Variants in ASB15 observed in about 807,000 individuals in gnomAD.
The protein encoded by ASB15 is ankyrin repeat and SOCS box containing 15.
A neutral mutation model predicts 58.0 loss-of-function variants in ASB15; 54 were observed. That is an observed-to-expected ratio of 0.93 (90% CI 0.75 to 1.17). The LOEUF is 1.17. ASB15 is among the 50% of genes most tolerant of loss of function. The pLI, the probability that ASB15 is intolerant of heterozygous loss-of-function variation, is 0.00. For synonymous variants in ASB15, 249 were observed against 262.4 expected, an observed-to-expected ratio of 0.95 and a Z score of 0.50; for missense variants, 680 against 707.4, an observed-to-expected ratio of 0.96 and a Z score of 0.44.
At chr7:123,590,717 C>A (rs1240679351) in intron 1 of ASB15, among the ~76,000 whole-genome samples, 1 of 151,942 alleles carries the variant, frequency 6.6e-6, no homozygotes, top group African/African-American at 2.4e-5. Flanking sequence ...TAGTATAGTT[C>A]GATGTCAGGT....
chr7:123,610,003 G>A (rs1317377376), intron 3 of ASB15, among the ~76,000 whole-genome samples: 2 of 152,170 alleles, frequency 1.3e-5, no homozygotes, highest in Admixed American at 1.3e-4. Flanking sequence ...GCAAGCTTAG[G>A]AACCTCAGAC....
intron 1 of ASB15, among the ~76,000 whole-genome samples, chr7:123,583,368 T>C (rs1024288802): frequency 6.6e-6 from 1 of 151,976 alleles, no homozygotes; most frequent in African/African-American, 2.4e-5. Context: ...AACGGGAAAC[T>C]GGAATTGATA....
intron 7 of ASB15, among the ~76,000 whole-genome samples, chr7:123,623,927 AAAGAAAAGAAAGAAAGAAAGAAAGAAAG>A (rs1276756534): frequency 4.9e-5 from 1 of 20,276 alleles, no homozygotes; most frequent in Non-Finnish European, 9.0e-5. Flanking sequence ...AGGAAGAAAG[AAAGAAAAGAAAGAAAGAAAGAAAGAAAG>A]AAAGAAAGAA....
chr7:123,621,071 T>C (rs912748166), intron 7 of ASB15, among the ~76,000 whole-genome samples: 4 of 152,208 alleles, frequency 2.6e-5, no homozygotes, highest in African/African-American at 9.7e-5. Flanking sequence ...GCCGTGATTA[T>C]CACTCCTTGT....
chr7:123,595,751 A>C (rs1170090100), intron 1 of ASB15, among the ~76,000 whole-genome samples: 1 of 152,144 alleles, frequency 6.6e-6, no homozygotes, highest in Non-Finnish European at 1.5e-5. Context: ...TGACTTTGTA[A>C]ATGCTCTTTA....
intron 1 of ASB15, among the ~76,000 whole-genome samples, chr7:123,579,668 T>A (rs1185605478): frequency 6.6e-6 from 1 of 152,096 alleles, no homozygotes. Context: ...TAACTCCTTC[T>A]GCTCCTGGGA....
At chr7:123,573,044 T>C (rs1007981934) in intron 1 of ASB15, among the ~76,000 whole-genome samples, 2 of 152,142 alleles carry the variant, frequency 1.3e-5, no homozygotes, top group Admixed American at 1.3e-4. Flanking sequence ...GATCAGTAAA[T>C]TTTTAGCTTC....
At position 123,627,247 on chromosome 7, in the gene ASB15, C is replaced by T. The variant is rs757314130; in HGVS notation, c.835C>T (p.Pro279Ser). 12 of 1,613,676 alleles carry T rather than the reference C, an allele frequency of 7.4e-6. No individual in the cohort carries two copies. Among genetic ancestry groups the T allele is most frequent in the Admixed American group, 3.3e-5 (2 of 59,984 alleles). The change falls in exon 9 of 12, where the codon CCT becomes TCT. Residue 279 changes from proline (P) to serine (S), a missense_variant. Physicochemically the swap from Pro to Ser is moderately conservative, Grantham distance 74. Transcript: ENST00000451215. ...GNVPNRAGHLPIHRAAYEGHY... is the reference protein window; with the variant it reads ...GNVPNRAGHLSIHRAAYEGHY... ...TGTACCTAACCGAGCAGGACATCTT[C>T]CTATACACCGAGCTGCCTATGAGGG...
intron 1 of ASB15, among the ~76,000 whole-genome samples, chr7:123,575,508 T>C (rs556989454): frequency 2.0e-5 from 3 of 152,226 alleles, no homozygotes; most frequent in South Asian, 4.1e-4. Context: ...TGTGAGGGCA[T>C]ATAACATCAA....
intron 1 of ASB15, among the ~76,000 whole-genome samples, chr7:123,568,385 T>C (rs1584714351): frequency 6.7e-6 from 1 of 150,258 alleles, no homozygotes; most frequent in Non-Finnish European, 1.5e-5. Context: ...CCGGGCATGG[T>C]GGCGCATGCT....
At chr7:123,570,199 T>A (rs1798871505) in intron 1 of ASB15, among the ~76,000 whole-genome samples, 1 of 151,854 alleles carries the variant, frequency 6.6e-6, no homozygotes, top group Non-Finnish European at 1.5e-5. Context: ...CATGCCCAGC[T>A]AATTTTTTTG....
intron 9 of ASB15, among the ~76,000 whole-genome samples, chr7:123,628,542 G>C (rs1352317756): frequency 1.3e-5 from 2 of 152,128 alleles, no homozygotes; most frequent in East Asian, 3.8e-4. Context: ...AATAGTATTG[G>C]TTGCCTGTAA....
chr7:123,619,001 C>T (rs1271900899), intron 7 of ASB15, among the ~76,000 whole-genome samples: 2 of 151,740 alleles, frequency 1.3e-5, no homozygotes, highest in Non-Finnish European at 2.9e-5. Flanking sequence ...TGGTGAAACC[C>T]CGTCTCTACT....
intron 1 of ASB15, among the ~76,000 whole-genome samples, chr7:123,585,152 T>C (rs1317959626): frequency 1.3e-5 from 2 of 151,914 alleles, no homozygotes; most frequent in African/African-American, 4.8e-5. Flanking sequence ...TATTCAGTTG[T>C]AAAATATAAT....
intron 7 of ASB15, among the ~76,000 whole-genome samples, chr7:123,619,670 C>G (rs1801104859): frequency 6.6e-6 from 1 of 152,082 alleles, no homozygotes; most frequent in Admixed American, 6.5e-5. Flanking sequence ...ACTACAGGCG[C>G]CCGCCACCAC....
At chr7:123,600,150 C>T (rs73718432), upstream of ASB15, among the ~76,000 whole-genome samples, 1,152 of 152,220 alleles carry the variant, frequency 7.6e-3, 19 homozygotes, top group African/African-American at 0.027. Flanking sequence ...TCATCACTCC[C>T]ATACTACAGA....
intron 1 of ASB15, among the ~76,000 whole-genome samples, chr7:123,578,896 A>G (rs1288758035): frequency 6.6e-6 from 1 of 152,096 alleles, no homozygotes; most frequent in African/African-American, 2.4e-5. Context: ...TGTAATTTAC[A>G]TGCAAGGTAT....
Position 123,629,108 on chromosome 7 carries a change from G to A in ASB15, c.1114G>A (p.Ala372Thr), listed in dbSNP as rs1207876585. Reference protein sequence around the residue: ...DVHCTEVLLAAGADPNLDPLN... With the variant: ...DVHCTEVLLATGADPNLDPLN... The stretch of plus-strand genomic sequence containing the variant: ...TCATTGCACAGAAGTCCTTCTGGCT[G>A]CAGGTGCAGACCCAAACTTAGATCC... The change falls in exon 10 of 12, where the codon GCA becomes ACA. Residue 372 changes from alanine to threonine, a missense_variant. Coordinates refer to ENST00000451215, the MANE Select transcript of ASB15 (RefSeq NM_001290258.2). 1 of 1,613,934 alleles carries A rather than the reference G, an allele frequency of 6.2e-7. No homozygotes were observed. Among genetic ancestry groups the A allele is most frequent in the African/African-American group, 1.3e-5 (1 of 74,922 alleles).
At position 123,594,623 on chromosome 7, in the gene ASB15, G is replaced by A. The variant is rs1273199469; in HGVS notation, c.-442-9409G>A. ...TATCACCAGCAGAAGCTGCAGAACA[G>A]CAAATATTGCTGCCTGATCCATCCT... On this transcript the variant is annotated intron_variant, in intron 1 of 13. Coordinates refer to the ASB15 transcript ENST00000451558. 4.6e-5 allele frequency among the ~76,000 whole-genome samples: 7 copies of A among 152,266 alleles called. No individual in the cohort carries two copies. In the South Asian group the frequency reaches 8.3e-4, roughly 18 times the overall value.
Sources: allele counts gnomAD v4.1 joint callset (sites outside exome capture counted in the v4.1 genomes callset), GRCh38; gene constraint gnomAD v4.1.1; transcripts MANE v1.5; gene names NCBI Gene and HGNC (gene_info 2026-07-23, HGNC 2026-07-21).